CRY2: variants seen among roughly 807,000 people sequenced by gnomAD.
The protein encoded by CRY2 is cryptochrome circadian regulator 2.
Under a neutral mutation model 69.5 loss-of-function variants are expected in CRY2, and 31 were observed. The observed-to-expected ratio is 0.45, with a 90% CI of 0.34 to 0.60. The LOEUF is 0.60. Among genes scored for constraint, CRY2 ranks in the 20% least tolerant of loss-of-function variants. The pLI is 0.02. For synonymous variants in CRY2, 303 were observed against 312.2 expected, an observed-to-expected ratio of 0.97 and a Z score of 0.31; for missense variants, 606 against 797.8, an observed-to-expected ratio of 0.76 and a Z score of 2.90.
intron 1 of CRY2, among the ~76,000 whole-genome samples, chr11:45,849,616 A>C (rs2086179344): frequency 7.2e-6 from 1 of 138,110 alleles, no homozygotes; most frequent in African/African-American, 2.6e-5. Flanking sequence ...CCTTTCCCCC[A>C]ATTCTATTTT....
chr11:45,875,255 GTTA>G (rs1169166359), intron 11 of CRY2, among the ~76,000 whole-genome samples: 1 of 152,216 alleles, frequency 6.6e-6, no homozygotes, highest in Non-Finnish European at 1.5e-5. Flanking sequence ...GTAAGCAGTA[GTTA>G]TTATTGTAGG....
rs959284181 is a variant in CRY2, at chr11:45,882,346, G to T, written c.*1435G>T. On this transcript the variant is annotated 3_prime_UTR_variant, in exon 12 of 12. Transcript: ENST00000616080. ...TTCCTGTTTGGATTTTTGTCCTCAC[G>T]TGTATCATTAAGCTGGCCTTTGGGC... The T allele has an allele frequency of 1.3e-5, 4 of 319,798 alleles. No homozygotes were observed. Among genetic ancestry groups the T allele is most frequent in the African/African-American group, 8.6e-5 (4 of 46,766 alleles). 19.8% of individuals were successfully genotyped at this position (319,798 alleles called of 1,614,324 possible).
chr11:45,849,168 A>G (rs1411548225), intron 1 of CRY2, among the ~76,000 whole-genome samples: 1 of 152,198 alleles, frequency 6.6e-6, no homozygotes, highest in African/African-American at 2.4e-5. Context: ...GATAGGGAAG[A>G]TTAAAAATCA....
intron 10 of CRY2, 143 bp downstream of exon 10, chr11:45,871,077 G>T: frequency 1.5e-6 from 1 of 649,226 alleles, no homozygotes; most frequent in Non-Finnish European, 2.6e-6. Context: ...AAACCAAGTT[G>T]GATCATTTCA....
intron 11 of CRY2, among the ~76,000 whole-genome samples, chr11:45,877,387 C>G (rs1419543238): frequency 6.6e-6 from 1 of 152,248 alleles, no homozygotes; most frequent in Non-Finnish European, 1.5e-5. Flanking sequence ...TGTGGACCCT[C>G]TGCCAGCATA....
At chr11:45,862,197 A>G in intron 5 of CRY2, 49 bp downstream of exon 5, 1 of 1,552,284 alleles carries the variant, frequency 6.4e-7, no homozygotes, top group Non-Finnish European at 8.8e-7. Context: ...ATATCCACAC[A>G]GCAGGAGATA....
At chr11:45,874,836 C>T (rs937844183) in intron 11 of CRY2, among the ~76,000 whole-genome samples, 6 of 151,254 alleles carry the variant, frequency 4.0e-5, no homozygotes, top group Non-Finnish European at 8.9e-5. Flanking sequence ...CCAGCTACTT[C>T]GGAGGCTGAG....
intron 5 of CRY2, among the ~76,000 whole-genome samples, chr11:45,867,142 C>T (rs904754897): frequency 1.3e-5 from 2 of 152,066 alleles, no homozygotes; most frequent in Admixed American, 1.3e-4. Flanking sequence ...TTCCTCCTTC[C>T]CCAGCTGCTG....
chr11:45,869,215 C>A (rs933428719), intron 6 of CRY2, among the ~76,000 whole-genome samples: 5 of 152,230 alleles, frequency 3.3e-5, no homozygotes, highest in African/African-American at 4.8e-5. Flanking sequence ...AGGAACATGA[C>A]CAGTCTTGGG....
At chr11:45,855,467 G>A (rs1393758934) in intron 1 of CRY2, among the ~76,000 whole-genome samples, 1 of 152,186 alleles carries the variant, frequency 6.6e-6, no homozygotes, top group Non-Finnish European at 1.5e-5. Context: ...CCACAGTATT[G>A]CACTGGCTTT....
chr11:45,856,523 G>A (rs1450369242), intron 2 of CRY2, among the ~76,000 whole-genome samples: 1 of 152,210 alleles, frequency 6.6e-6, no homozygotes, highest in Non-Finnish European at 1.5e-5. Context: ...TCTGCCGGGC[G>A]AGGTGGCTCA....
At chr11:45,872,702 T>G (rs755980789) in intron 11 of CRY2, among the ~76,000 whole-genome samples, 4 of 152,208 alleles carry the variant, frequency 2.6e-5, no homozygotes, top group Non-Finnish European at 5.9e-5. Context: ...CTTTTGTATT[T>G]TTTTGCCAGC....
intron 10 of CRY2, 38 bp from the exon 11 acceptor site, chr11:45,872,054 G>A (rs1565063327): frequency 6.2e-7 from 1 of 1,610,078 alleles, no homozygotes; most frequent in Non-Finnish European, 8.5e-7. Flanking sequence ...TTGGCTGCAT[G>A]CACAGTCTGT....
intron 5 of CRY2, chr11:45,867,361 G>T (rs183314190): frequency 2.1e-6 from 1 of 481,676 alleles, no homozygotes; most frequent in Non-Finnish European, 3.7e-6. Flanking sequence ...TAATAGATAC[G>T]TAGCTGAGGG....
chr11:45,866,924 C>CTGGG (rs758682942), intron 5 of CRY2, among the ~76,000 whole-genome samples: 3 of 151,946 alleles, frequency 2.0e-5, no homozygotes, highest in Non-Finnish European at 2.9e-5. Context: ...CACTGCACTC[C>CTGGG]AGCCTGGGTG....
chr11:45,863,302 T>C (rs2086302988), intron 5 of CRY2, among the ~76,000 whole-genome samples: 1 of 152,170 alleles, frequency 6.6e-6, no homozygotes, highest in African/African-American at 2.4e-5. Flanking sequence ...GAGTAAGGCT[T>C]AAACCTGTAA....
intron 11 of CRY2, among the ~76,000 whole-genome samples, chr11:45,872,840 T>A (rs1204661049): frequency 6.6e-6 from 1 of 152,192 alleles, no homozygotes; most frequent in African/African-American, 2.4e-5. Context: ...TTGCAGGGTC[T>A]GAGGCTGCTC....
chr11:45,869,387 C>A, intron 6 of CRY2, 119 bp from the exon 7 acceptor site: 2 of 1,056,396 alleles, frequency 1.9e-6, no homozygotes, highest in South Asian at 1.5e-5. Context: ...CCCTCCACAT[C>A]TGGCAGCTGA....
upstream of CRY2, chr11:45,847,471 C>T (rs2086158834): frequency 6.3e-7 from 1 of 1,598,826 alleles, no homozygotes; most frequent in African/African-American, 1.3e-5. Context: ...GCGGGGGTGG[C>T]TGGAGCAGTC....
Sources: gnomAD v4.1 joint callset for allele counts (sites outside exome capture counted in the v4.1 genomes callset) on GRCh38, gnomAD v4.1.1 for gene constraint, MANE v1.5 for transcripts, NCBI Gene and HGNC (gene_info 2026-07-23, HGNC 2026-07-21) for gene names.